MEI1: variants seen among roughly 807,000 people sequenced by gnomAD.
MEI1 encodes the protein meiosis inhibitor protein 1.
In MEI1, 103 loss-of-function variants were observed where a neutral mutation model predicts 146.2. The ratio of observed to expected loss-of-function variants is 0.70; its 90% CI spans 0.60 to 0.83. The LOEUF is 0.83. MEI1 is among the 40% of genes least tolerant of loss of function. The pLI, the probability that MEI1 is intolerant of heterozygous loss-of-function variation, is 0.00. For missense variants in MEI1, 1,529 were observed against 1,533.0 expected (o/e 1.00, Z 0.04); for synonymous variants, 652 against 628.2 (o/e 1.04, Z -0.57).
At chr22:41,705,699 TG>T (rs1247858336) in intron 3 of MEI1, 145 bp downstream of exon 3, 12 of 662,994 alleles carry the variant, frequency 1.8e-5, no homozygotes, top group Admixed American at 8.2e-5. Context: ...ATTCAACATT[TG>T]TTTTTTACTT....
At chr22:41,741,505 A>G (rs1164276928) in intron 11 of MEI1, among the ~76,000 whole-genome samples, 1 of 152,234 alleles carries the variant, frequency 6.6e-6, no homozygotes, top group Non-Finnish European at 1.5e-5. Context: ...TTCTGAGTCT[A>G]TAGAATCTGA....
chr22:41,727,141 A>G (rs1374396805), intron 7 of MEI1, among the ~76,000 whole-genome samples: 1 of 152,100 alleles, frequency 6.6e-6, no homozygotes, highest in Admixed American at 6.6e-5. Context: ...TGTAAGTCCA[A>G]TATGGCTGAG....
rs372253724 is a variant in MEI1 at position 41,743,158 on chromosome 22, G to A, written c.1410G>A (p.Ala470=). The A allele has an allele frequency of 1.9e-5, 30 of 1,613,090 alleles. No individual in the cohort carries two copies. The highest frequency in any genetic ancestry group is 2.4e-5 in the Non-Finnish European group (28 of 1,179,776). The change falls in exon 12 of 31, where the codon GCG becomes GCA. Residue 470 remains alanine (A), a synonymous_variant. Coordinates refer to ENST00000401548, the MANE Select transcript of MEI1 (RefSeq NM_152513.4). ...ALLEAMLNRC[A]EFSQTLLSRR... ...TAGAAGCCATGCTAAACCGATGTGC[G>A]GAGTTTTCCCAGACCTTGCTGAGCA...
intron 21 of MEI1, among the ~76,000 whole-genome samples, chr22:41,778,206 G>A (rs1367166252): frequency 3.3e-5 from 5 of 152,228 alleles, no homozygotes; most frequent in South Asian, 2.1e-4. Context: ...GGAGCTCCTC[G>A]CAGTTTCTTT....
At chr22:41,767,930 C>T (rs1190181543) in intron 19 of MEI1, among the ~76,000 whole-genome samples, 1 of 152,082 alleles carries the variant, frequency 6.6e-6, no homozygotes, top group African/African-American at 2.4e-5. Flanking sequence ...AACTTTGAAG[C>T]TGAGAGCAGA....
intron 17 of MEI1, among the ~76,000 whole-genome samples, chr22:41,755,684 A>T (rs1601949299): frequency 6.6e-6 from 1 of 152,216 alleles, no homozygotes; most frequent in African/African-American, 2.4e-5. Context: ...AATGCAGCAC[A>T]TCTCTCATAA....
intron 19 of MEI1, among the ~76,000 whole-genome samples, chr22:41,766,127 G>A (rs60697715): frequency 0.018 from 2,701 of 150,852 alleles, 87 homozygotes; most frequent in African/African-American, 0.061. Context: ...TGCCCGCCTC[G>A]GCCTCCCAAA....
chr22:41,778,268 T>A (rs779172534), intron 21 of MEI1, among the ~76,000 whole-genome samples: 2 of 151,416 alleles, frequency 1.3e-5, no homozygotes, highest in Non-Finnish European at 2.9e-5. Flanking sequence ...GATTCAGTCA[T>A]CTACCAAAGG....
At chr22:41,760,050 C>T (rs1184842326) in intron 18 of MEI1, among the ~76,000 whole-genome samples, 1 of 152,108 alleles carries the variant, frequency 6.6e-6, no homozygotes, top group Non-Finnish European at 1.5e-5. Context: ...TGGCTCACTC[C>T]TGTAATCCCA....
At position 41,795,279 on chromosome 22, in the gene MEI1, C is replaced by G; in HGVS notation, c.3535-132C>G. 7.9e-7 allele frequency: 1 copy of G among 1,260,314 alleles called. No homozygotes were observed. The highest frequency in any genetic ancestry group is 2.4e-5 in the East Asian group (1 of 42,248). 78.1% of individuals were successfully genotyped at this position (1,260,314 alleles called of 1,614,324 possible). On this transcript the variant is annotated intron_variant, in intron 28 of 30. Transcript: ENST00000401548. This position sits in a 1 kb window ranked among gnomAD's most constrained non-coding sequence, Gnocchi z 4.2. Reference sequence around the variant, plus strand: ...ACAGTCCCACCTCTGCCCACTAACTCTGAGCTCCTTGAAGGCAGGCAGGTT... The same window carrying G: ...ACAGTCCCACCTCTGCCCACTAACTGTGAGCTCCTTGAAGGCAGGCAGGTT...
At chr22:41,762,805 C>G (rs183256743) in intron 18 of MEI1, among the ~76,000 whole-genome samples, 162 of 152,146 alleles carry the variant, frequency 1.1e-3, no homozygotes, top group African/African-American at 3.5e-3. Flanking sequence ...GTTAAATACA[C>G]CACTGTTTAA....
Position 41,745,921 on chromosome 22 carries a change from G to A in MEI1, c.1575G>A (p.Gln525=). The A allele has an allele frequency of 6.2e-7, 1 of 1,613,418 alleles. No individual in the cohort carries two copies. Among genetic ancestry groups the A allele is most frequent in the South Asian group, 1.1e-5 (1 of 91,044 alleles). ...AATTCCAGAGTGAGCCTTCAGCCCA[G>A]GAGAATCCATTCACAGCTCCCAGCG... The part of the protein sequence containing the change: ...AIEFQSEPSA[Q]ENPFTAPSAK... Residue 525 remains glutamine (Q), a synonymous_variant, in exon 14 of 31, where the codon CAG becomes CAA. Transcript: ENST00000401548.
chr22:41,789,539 A>T (rs1417447454), intron 26 of MEI1, among the ~76,000 whole-genome samples: 1 of 152,166 alleles, frequency 6.6e-6, no homozygotes, highest in African/African-American at 2.4e-5. Flanking sequence ...GGTCAGTGGC[A>T]TTAAGTACAT....
chr22:41,795,966 G>C lies in MEI1; in HGVS notation c.3779+119G>C. 6.2e-7 allele frequency: 1 copy of C among 1,611,794 alleles called. No homozygotes were observed. The stretch of plus-strand genomic sequence containing the variant: ...CAGTGTCCTCTCTCATGAAGAGGTG[G>C]GTGATGTTCTGCAAGGTGTGGCTTT... On this transcript the variant is annotated intron_variant, in intron 30 of 30. Coordinates refer to ENST00000401548, the MANE Select transcript of MEI1 (RefSeq NM_152513.4). This position sits in a 1 kb window ranked among gnomAD's most constrained non-coding sequence, Gnocchi z 4.2.
rs777772214 is a variant in MEI1, at chr22:41,770,695, A to G, written c.2278A>G (p.Ser760Gly). 8 of 1,613,714 alleles carry G rather than the reference A, an allele frequency of 5.0e-6. No homozygotes were observed. The highest frequency in any genetic ancestry group is 1.7e-5 in the Admixed American group (1 of 59,972). ...KDNTLRETMVSAIRKFLEGIP... is the reference protein window; with the variant it reads ...KDNTLRETMVGAIRKFLEGIP... ...TTTGTTTTGCCTCCAGACTATGGTC[A>G]GTGCAATCAGAAAATTCCTAGAAGG... The change falls in exon 20 of 31, where the codon AGT becomes GGT. Residue 760 changes from serine to glycine, a missense_variant. Coordinates refer to ENST00000401548, the MANE Select transcript of MEI1 (RefSeq NM_152513.4).
chr22:41,725,360 C>T (rs954044775), intron 7 of MEI1, among the ~76,000 whole-genome samples: 1 of 152,080 alleles, frequency 6.6e-6, no homozygotes, highest in African/African-American at 2.4e-5. Context: ...GATCCGCCTG[C>T]CTCGGCCTCC....
chr22:41,731,665 A>T (rs889912401), intron 9 of MEI1, among the ~76,000 whole-genome samples: 9 of 152,166 alleles, frequency 5.9e-5, no homozygotes, highest in Admixed American at 2.6e-4. Flanking sequence ...GACTTATTAT[A>T]CCACATCTAG....
chr22:41,793,266 G>C (rs968800893), intron 26 of MEI1, among the ~76,000 whole-genome samples: 1 of 151,644 alleles, frequency 6.6e-6, no homozygotes, highest in Non-Finnish European at 1.5e-5. Flanking sequence ...TCCTGACCTC[G>C]TGATCCACCC....
In MEI1 at chr22:41,743,122, G is replaced by T; in HGVS notation, c.1374G>T (p.Leu458=). 1 of 1,613,226 alleles carries T rather than the reference G, an allele frequency of 6.2e-7. No homozygotes were observed. Among genetic ancestry groups the T allele is most frequent in the Non-Finnish European group, 8.5e-7 (1 of 1,179,726 alleles). The change falls in exon 12 of 31, where the codon CTG becomes CTT. Residue 458 remains leucine (L), a synonymous_variant. Transcript: ENST00000401548. ...CTCCACCTGTGCAGTATGGGGAACT[G>T]CAGGCTTTGCTAGAAGCCATGCTAA... The part of the protein sequence containing the change: ...QSTPPVQYGE[L]QALLEAMLNR...
Sources: gnomAD v4.1 joint callset for allele counts (sites outside exome capture counted in the v4.1 genomes callset) on GRCh38, gnomAD v4.1.1 for gene constraint, Gnocchi (gnomAD v3.1) non-coding constraint, MANE v1.5 for transcripts, NCBI Gene and HGNC (gene_info 2026-07-23, HGNC 2026-07-21) for gene names.